LPXN: variants seen among roughly 807,000 people sequenced by gnomAD.
LPXN encodes the protein leupaxin.
Under a neutral mutation model 45.6 loss-of-function variants are expected in LPXN, and 28 were observed. The ratio of observed to expected loss-of-function variants is 0.61; its 90% CI spans 0.45 to 0.84. The LOEUF is 0.84. Among genes scored for constraint, LPXN ranks in the 40% least tolerant of loss-of-function variants. LPXN has a pLI of 0.00. For missense variants in LPXN, 459 were observed against 475.0 expected (o/e 0.97, Z 0.31); for synonymous variants, 166 against 169.9 (o/e 0.98, Z 0.18).
chr11:58,555,997 T>G (rs1376388503), intron 3 of LPXN, among the ~76,000 whole-genome samples: 2 of 152,180 alleles, frequency 1.3e-5, no homozygotes, highest in East Asian at 3.9e-4. Context: ...TGACAGTTTT[T>G]GGGGGATCAT....
At chr11:58,574,302 A>C (rs903149082) in intron 1 of LPXN, among the ~76,000 whole-genome samples, 3 of 152,204 alleles carry the variant, frequency 2.0e-5, no homozygotes, top group Non-Finnish European at 4.4e-5. Context: ...CAGACACCAG[A>C]ACCAATAAAC....
rs930820621 is a variant in LPXN, at chr11:58,550,687, C to T, written c.486+378G>A. ...TCAATTTAGACTGGGAATGTGTGAA[C>T]AAAGGGAGCAGTGAGAAAGGTCATC... On this transcript the variant is annotated intron_variant, in intron 5 of 8. Transcript: ENST00000395074. Among the ~76,000 whole-genome samples, 6 of 152,146 alleles carry T rather than the reference C, an allele frequency of 3.9e-5. 1 individual carries two copies. Among genetic ancestry groups the T allele is most frequent in the African/African-American group, 1.4e-4 (6 of 41,442 alleles).
chr11:58,551,988 C>T (rs1281392857), intron 4 of LPXN, among the ~76,000 whole-genome samples: 6 of 152,078 alleles, frequency 3.9e-5, no homozygotes, highest in Non-Finnish European at 7.4e-5. Context: ...AGATTGAACA[C>T]GGCAGGAGAA....
At chr11:58,539,526 A>C (rs565848385) in intron 7 of LPXN, among the ~76,000 whole-genome samples, 15 of 152,322 alleles carry the variant, frequency 9.8e-5, no homozygotes, top group African/African-American at 3.4e-4. Context: ...GATTACTGGG[A>C]TCATATCAGA....
At position 58,570,525 on chromosome 11, in the gene LPXN, T is replaced by C. The variant is rs549527856; in HGVS notation, c.171+31A>G. 6 of 1,549,884 alleles carry C rather than the reference T, an allele frequency of 3.9e-6. No homozygotes were observed. The East Asian group carries it at 1.1e-4, about 29-fold the overall frequency. On this transcript the variant is annotated intron_variant, in intron 2 of 8. Coordinates refer to ENST00000395074, the MANE Select transcript of LPXN (RefSeq NM_004811.3). ...TTTCAGAAATGCACTCAAACATCCA[T>C]GTTTAAGGACTATAATAAATGAAAA...
At chr11:58,532,097 C>T (rs768058799) in intron 7 of LPXN, among the ~76,000 whole-genome samples, 11 of 152,270 alleles carry the variant, frequency 7.2e-5, no homozygotes, top group Non-Finnish European at 1.0e-4. Flanking sequence ...ACTGAGACAG[C>T]AGCTGCGGAG....
chr11:58,553,783 A>T (rs1360340580), intron 4 of LPXN: 3 of 152,198 alleles, frequency 2.0e-5, no homozygotes, highest in African/African-American at 7.2e-5. Context: ...ATTCTGGATT[A>T]TATTTCCTTT....
At chr11:58,549,728 G>A in intron 7 of LPXN, 58 bp downstream of exon 7, 1 of 1,457,532 alleles carries the variant, frequency 6.9e-7, no homozygotes, top group Non-Finnish European at 9.6e-7. Context: ...GAAAGGTGTT[G>A]CTGGTCTTAT....
At chr11:58,549,309 G>T (rs1397802339) in intron 7 of LPXN, among the ~76,000 whole-genome samples, 1 of 152,128 alleles carries the variant, frequency 6.6e-6, no homozygotes, top group East Asian at 1.9e-4. Context: ...CAGGAGAATC[G>T]CTTGAACCCA....
intron 1 of LPXN, among the ~76,000 whole-genome samples, chr11:58,574,688 A>C (rs549589973): frequency 6.6e-6 from 1 of 152,160 alleles, no homozygotes; most frequent in African/African-American, 2.4e-5. Context: ...CCCAAGTCCA[A>C]AAAAGAGTCT....
chr11:58,569,051 T>C (rs760231724), intron 2 of LPXN, among the ~76,000 whole-genome samples: 3 of 152,176 alleles, frequency 2.0e-5, no homozygotes, highest in South Asian at 2.1e-4. Flanking sequence ...AGTTCCCTAG[T>C]AGAGAGATAA....
intron 8 of LPXN, 37 bp downstream of exon 8, chr11:58,528,006 C>T (rs759367278): frequency 1.9e-6 from 3 of 1,596,302 alleles, no homozygotes; most frequent in East Asian, 2.2e-5. Context: ...GAACCCTTGA[C>T]TTTCCCTAAG....
At chr11:58,531,808 C>T (rs562433500) in intron 7 of LPXN, among the ~76,000 whole-genome samples, 6 of 152,248 alleles carry the variant, frequency 3.9e-5, no homozygotes, top group African/African-American at 9.6e-5. Flanking sequence ...AACCCTTGCT[C>T]GCTCTTGGCA....
chr11:58,558,611 G>A, intron 3 of LPXN, among the ~76,000 whole-genome samples: 1 of 148,624 alleles, frequency 6.7e-6, no homozygotes. Flanking sequence ...ATAGGTCAAA[G>A]GAGTAGATTA....
chr11:58,550,726 T>A (rs1465540022), intron 5 of LPXN, among the ~76,000 whole-genome samples: 1 of 152,158 alleles, frequency 6.6e-6, no homozygotes, highest in Non-Finnish European at 1.5e-5. Context: ...GTAAAGGCAG[T>A]ACAGAAAAAT....
At chr11:58,542,471 C>T (rs1018981134) in intron 7 of LPXN, among the ~76,000 whole-genome samples, 1 of 151,618 alleles carries the variant, frequency 6.6e-6, no homozygotes, top group East Asian at 1.9e-4. Flanking sequence ...AAGATGTAGA[C>T]ATCTAAGTCC....
chr11:58,531,608 A>T (rs1304317825), intron 7 of LPXN, among the ~76,000 whole-genome samples: 1 of 152,174 alleles, frequency 6.6e-6, no homozygotes, highest in Non-Finnish European at 1.5e-5. Context: ...TTATGGGGAG[A>T]ATGGAACCAA....
intron 5 of LPXN, among the ~76,000 whole-genome samples, 197 bp from the exon 6 acceptor site, chr11:58,550,343 G>T (rs1304901364): frequency 6.6e-6 from 1 of 152,172 alleles, no homozygotes; most frequent in Admixed American, 6.5e-5. Flanking sequence ...GATAATAAAA[G>T]GATGCCCACT....
intron 3 of LPXN, among the ~76,000 whole-genome samples, chr11:58,560,671 A>T (rs533291699): frequency 3.7e-4 from 56 of 152,314 alleles, no homozygotes; most frequent in African/African-American, 1.3e-3. Flanking sequence ...TTATAATAAC[A>T]ACCTTAAGAG....
Sources: allele counts gnomAD v4.1 joint callset (sites outside exome capture counted in the v4.1 genomes callset), GRCh38; gene constraint gnomAD v4.1.1; transcripts MANE v1.5; gene names NCBI Gene and HGNC (gene_info 2026-07-23, HGNC 2026-07-21).